Variants in PTPRD observed in about 807,000 individuals in gnomAD.
PTPRD encodes the protein receptor-type tyrosine-protein phosphatase delta.
In PTPRD, 34 loss-of-function variants were observed where a neutral mutation model predicts 214.5. The ratio of observed to expected loss-of-function variants is 0.16; its 90% CI spans 0.12 to 0.21. PTPRD has a LOEUF of 0.21. Among genes scored for constraint, PTPRD ranks in the 10% least tolerant of loss-of-function variants. The pLI, the probability that PTPRD is intolerant of heterozygous loss-of-function variation, is 1.00. For synonymous variants in PTPRD, 1,128 were observed against 845.7 expected (o/e 1.33, Z -5.79); for missense variants, 2,545 against 2,398.7 (o/e 1.06, Z -1.27).
chr9:10,488,090 G>A (rs535760994), intron 2 of PTPRD, among the ~76,000 whole-genome samples: 1 of 151,682 alleles, frequency 6.6e-6, no homozygotes, highest in African/African-American at 2.4e-5. Flanking sequence ...CAGGTCGGCT[G>A]GGCATGGTGG....
intron 11 of PTPRD, among the ~76,000 whole-genome samples, chr9:8,833,976 T>C (rs990573663): frequency 1.3e-5 from 2 of 152,020 alleles, no homozygotes; most frequent in African/African-American, 4.8e-5. Context: ...ACCTAACAGG[T>C]AGACATTTAG....
intron 7 of PTPRD, among the ~76,000 whole-genome samples, chr9:9,673,259 A>G (rs996677622): frequency 6.6e-6 from 1 of 151,934 alleles, no homozygotes; most frequent in African/African-American, 2.4e-5. Context: ...TTATTCCACC[A>G]TTGAACTATC....
At chr9:9,664,104 AAAAG>A (rs1202868452) in intron 7 of PTPRD, among the ~76,000 whole-genome samples, 1 of 150,624 alleles carries the variant, frequency 6.6e-6, no homozygotes, top group East Asian at 1.9e-4. Flanking sequence ...AAAAAAAAAA[AAAAG>A]AAGTTATGAC....
intron 7 of PTPRD, among the ~76,000 whole-genome samples, chr9:9,727,299 AAGTT>A (rs1282447608): frequency 6.6e-6 from 1 of 151,996 alleles, no homozygotes; most frequent in African/African-American, 2.4e-5. Flanking sequence ...AAAATACAAA[AAGTT>A]AGCCAGGCGT....
intron 5 of PTPRD, among the ~76,000 whole-genome samples, chr9:9,934,145 A>C (rs984933019): frequency 9.4e-5 from 14 of 149,370 alleles, no homozygotes; most frequent in Non-Finnish European, 1.8e-4. Context: ...CAAAATTGAC[A>C]CCCTAACATC....
chr9:9,751,342 C>A (rs530444049), intron 6 of PTPRD, among the ~76,000 whole-genome samples: 18 of 152,066 alleles, frequency 1.2e-4, no homozygotes, highest in Non-Finnish European at 1.9e-4. Flanking sequence ...GATATGAAGT[C>A]CAACTTCACC....
intron 2 of PTPRD, among the ~76,000 whole-genome samples, chr9:10,564,366 TC>T (rs1045428913): frequency 6.0e-5 from 9 of 150,962 alleles, no homozygotes; most frequent in African/African-American, 2.2e-4. Context: ...AACTATATTT[TC>T]CCTGATTTCT....
chr9:9,373,520 T>C (rs560471473), intron 9 of PTPRD, among the ~76,000 whole-genome samples: 2 of 152,156 alleles, frequency 1.3e-5, no homozygotes, highest in African/African-American at 4.8e-5. Context: ...TCAGGACTGG[T>C]TCTTTCTGGA....
intron 11 of PTPRD, among the ~76,000 whole-genome samples, chr9:8,807,760 T>C (rs1217846640): frequency 6.6e-6 from 1 of 152,096 alleles, no homozygotes; most frequent in African/African-American, 2.4e-5. Flanking sequence ...TTCCAACGAG[T>C]GTGGTCTGCT....
At chr9:9,030,785 T>C (rs2099602774) in intron 10 of PTPRD, among the ~76,000 whole-genome samples, 1 of 152,046 alleles carries the variant, frequency 6.6e-6, no homozygotes, top group South Asian at 2.1e-4. Context: ...TAAAAGGTTA[T>C]AAAAATGAAT....
chr9:9,397,880 C>G (rs765542079), intron 8 of PTPRD, among the ~76,000 whole-genome samples: 1 of 151,922 alleles, frequency 6.6e-6, no homozygotes. Context: ...CCATATACAC[C>G]ACCTTCCTGA....
intron 5 of PTPRD, among the ~76,000 whole-genome samples, chr9:9,910,567 CTTCTT>C (rs942344042): frequency 6.6e-5 from 10 of 151,948 alleles, no homozygotes; most frequent in African/African-American, 2.2e-4. Flanking sequence ...CATTAACTCT[CTTCTT>C]TTTCTAGTTA....
chr9:9,042,155 T>C (rs1314901340), intron 10 of PTPRD, among the ~76,000 whole-genome samples: 1 of 152,178 alleles, frequency 6.6e-6, no homozygotes, highest in Non-Finnish European at 1.5e-5. Context: ...TATACACTGG[T>C]TTTATTCTCT....
At chr9:8,748,775 G>C (rs192337731) in intron 11 of PTPRD, among the ~76,000 whole-genome samples, 1 of 152,078 alleles carries the variant, frequency 6.6e-6, no homozygotes, top group East Asian at 1.9e-4. Flanking sequence ...GCCAGGCATG[G>C]TGGCGCATGC....
In PTPRD at chr9:9,730,692, G is replaced by T. The variant is rs1194513920; in HGVS notation, c.-287+3841C>A. 2.6e-5 allele frequency among the ~76,000 whole-genome samples: 4 copies of T among 152,080 alleles called. No homozygotes were observed. In the East Asian group the frequency reaches 7.7e-4, roughly 29 times the overall value. ...TATCTCAGTATATATAGTCTTTAGA[G>T]TCCAAAGGATAGACTGAAATCTCAG... is the stretch of plus-strand genomic sequence containing the variant. On this transcript the variant is annotated intron_variant, in intron 7 of 45. Transcript: ENST00000381196.
At chr9:9,208,930 C>T (rs966720694) in intron 9 of PTPRD, among the ~76,000 whole-genome samples, 2 of 151,964 alleles carry the variant, frequency 1.3e-5, no homozygotes, top group Non-Finnish European at 2.9e-5. Flanking sequence ...GCCTCAGCCT[C>T]CCGAGTAGCT....
chr9:9,270,978 G>A (rs143654017), intron 9 of PTPRD, among the ~76,000 whole-genome samples: 24 of 151,264 alleles, frequency 1.6e-4, no homozygotes, highest in African/African-American at 4.4e-4. Context: ...TAAAGAAGAC[G>A]GTGAGATAAA....
At chr9:9,847,559 C>G (rs2059768879) in intron 5 of PTPRD, among the ~76,000 whole-genome samples, 1 of 152,094 alleles carries the variant, frequency 6.6e-6, no homozygotes, top group Non-Finnish European at 1.5e-5. Flanking sequence ...ACCAATGCCC[C>G]CTAGGTTTGT....
At chr9:10,426,776 T>G (rs1402260509) in intron 2 of PTPRD, among the ~76,000 whole-genome samples, 1 of 152,086 alleles carries the variant, frequency 6.6e-6, no homozygotes, top group Admixed American at 6.6e-5. Context: ...TACCTTGGAT[T>G]GGCATATTGG....
Sources: gnomAD v4.1 joint callset for allele counts (sites outside exome capture counted in the v4.1 genomes callset) on GRCh38, gnomAD v4.1.1 for gene constraint, MANE v1.5 for transcripts, NCBI Gene and HGNC (gene_info 2026-07-23, HGNC 2026-07-21) for gene names.